Variants in COL4A2 observed in about 807,000 individuals in gnomAD.
COL4A2 encodes the protein collagen alpha-2(IV) chain.
Under a neutral mutation model 200.2 loss-of-function variants are expected in COL4A2, and 99 were observed. That is an observed-to-expected ratio of 0.49 (90% CI 0.42 to 0.58). The LOEUF (loss-of-function observed/expected upper bound fraction) is 0.58, where lower values mean the gene tolerates loss of function less well. Among genes scored for constraint, COL4A2 ranks in the 20% least tolerant of loss-of-function variants. The pLI, the probability that COL4A2 is intolerant of heterozygous loss-of-function variation, is 0.00. For missense variants in COL4A2, 1,950 were observed against 2,314.1 expected (o/e 0.84, Z 3.23); for synonymous variants, 897 against 900.6 (o/e 1.00, Z 0.07).
At chr13:110,478,435 G>T (rs185163838) in intron 30 of COL4A2, among the ~76,000 whole-genome samples, 139 of 152,352 alleles carry the variant, frequency 9.1e-4, no homozygotes, top group African/African-American at 3.1e-3. Context: ...CCCTACAAAA[G>T]TTCAGAATCA....
intron 3 of COL4A2, among the ~76,000 whole-genome samples, chr13:110,349,841 A>G (rs59530640): frequency 0.089 from 13,563 of 151,994 alleles, 1,999 homozygotes; most frequent in African/African-American, 0.31. Context: ...GTGGCTCACT[A>G]AAACCTCCAC....
At position 110,385,988 on chromosome 13, in the gene COL4A2, TGGATGGGCCGTG is replaced by T. The variant is rs1333105333; in HGVS notation, c.180+28438_180+28449del. ...GTGGATGGGCCGTGGTCACAGCGTG[TGGATGGGCCGTG>T]GTCACAGCGTGTGGATGGGCCGTGG... On this transcript the variant is annotated intron_variant, in intron 4 of 47. Transcript: ENST00000360467. 5.7e-4 allele frequency among the ~76,000 whole-genome samples: 84 copies of T among 147,528 alleles called. 9 individuals carry two copies. Among genetic ancestry groups the T allele is most frequent in the African/African-American group, 2.0e-3 (77 of 39,162 alleles).
chr13:110,383,159 C>T (rs1878554298), intron 4 of COL4A2, among the ~76,000 whole-genome samples: 1 of 152,168 alleles, frequency 6.6e-6, no homozygotes, highest in East Asian at 1.9e-4. Context: ...GGGATAGTGC[C>T]ATGTTCTGCG....
In COL4A2 at chr13:110,387,765, C is replaced by A. The variant is rs562583770; in HGVS notation, c.180+30213C>A. Among the ~76,000 whole-genome samples, 10 of 152,298 alleles carry A rather than the reference C, an allele frequency of 6.6e-5. No homozygotes were observed. In the South Asian group the frequency reaches 1.7e-3, roughly 25 times the overall value. On this transcript the variant is annotated intron_variant, in intron 4 of 47. Coordinates refer to ENST00000360467, the MANE Select transcript of COL4A2 (RefSeq NM_001846.4). ...GACATCACGGTTTCCTCTTTTAAGG[C>A]GATTCTGAGGCTTCCTTCTCCCCAG...
In COL4A2 at chr13:110,446,792, C is replaced by G; in HGVS notation, c.1012-6C>G. On this transcript the variant is annotated splice_polypyrimidine_tract_variant and splice_region_variant and intron_variant, in intron 17 of 47. Transcript: ENST00000360467. ...CACATCCTGTTTTTCTCTTTTCTTT[C>G]TCTAGGGAGAAGCCGGAGACCCAGG... The G allele has an allele frequency of 6.2e-7, 1 of 1,610,498 alleles. No individual in the cohort carries two copies. The highest frequency in any genetic ancestry group is 8.5e-7 in the Non-Finnish European group (1 of 1,177,118).
intron 3 of COL4A2, among the ~76,000 whole-genome samples, chr13:110,322,004 A>G (rs1885289313): frequency 1.3e-5 from 2 of 152,222 alleles, no homozygotes; most frequent in Non-Finnish European, 2.9e-5. Context: ...AGATGCATCC[A>G]TGTTGTAGTG....
chr13:110,372,526 T>A (rs1034699600), intron 4 of COL4A2, among the ~76,000 whole-genome samples: 1 of 152,242 alleles, frequency 6.6e-6, no homozygotes, highest in African/African-American at 2.4e-5. Flanking sequence ...CTGGAGACAT[T>A]TTACTCTTTG....
intron 16 of COL4A2, among the ~76,000 whole-genome samples, chr13:110,442,879 AAGTG>A (rs1881183129): frequency 6.6e-6 from 1 of 152,126 alleles, no homozygotes; most frequent in Admixed American, 6.5e-5. Flanking sequence ...TTATTTTAAA[AAGTG>A]TTCGTTGAGA....
chr13:110,372,233 C>G (rs186114161), intron 4 of COL4A2, among the ~76,000 whole-genome samples: 3 of 152,262 alleles, frequency 2.0e-5, no homozygotes, highest in Non-Finnish European at 4.4e-5. Context: ...GGCAGAGGAC[C>G]CTGTGCGGGG....
At position 110,434,722 on chromosome 13, in the gene COL4A2, AG is replaced by A. The variant is rs1324563383; in HGVS notation, c.726+282del. ...AGCTCATCTTCAGAAGGTGGAGGTGAGGACATGTCACTGAGTGCATCTTCTC... is the reference window on the plus strand; with the variant it reads ...AGCTCATCTTCAGAAGGTGGAGGTGAGACATGTCACTGAGTGCATCTTCTC... On this transcript the variant is annotated intron_variant, in intron 12 of 47. Transcript: ENST00000360467. Among the ~76,000 whole-genome samples, 47 of 152,310 alleles carry A rather than the reference AG, an allele frequency of 3.1e-4. 1 individual carries two copies. Among genetic ancestry groups the A allele is most frequent in the Non-Finnish European group, 5.9e-5 (4 of 68,016 alleles).
chr13:110,345,850 A>G (rs1017784818), intron 3 of COL4A2, among the ~76,000 whole-genome samples: 1 of 152,150 alleles, frequency 6.6e-6, no homozygotes, highest in Non-Finnish European at 1.5e-5. Context: ...ATCTTGTTCC[A>G]TCTCATCTGT....
chr13:110,400,528 CT>C (rs11356823), intron 4 of COL4A2, among the ~76,000 whole-genome samples: 30,117 of 152,098 alleles, frequency 0.2, 3,078 homozygotes, highest in Middle Eastern at 0.25. Context: ...TCATTAACTT[CT>C]GATTCCTTGA....
chr13:110,430,965 G>A (rs745822564), intron 10 of COL4A2: 55 of 465,894 alleles, frequency 1.2e-4, no homozygotes, highest in Admixed American at 5.9e-4. Flanking sequence ...AGGAAATGGA[G>A]GTCTGCCTGT....
chr13:110,353,732 ACT>A (rs1366594204), intron 3 of COL4A2, among the ~76,000 whole-genome samples: 1 of 152,056 alleles, frequency 6.6e-6, no homozygotes, highest in Non-Finnish European at 1.5e-5. Context: ...AATTCCTAAG[ACT>A]CTCTCTGGAG....
At chr13:110,401,627 C>G (rs1183295322) in intron 4 of COL4A2, among the ~76,000 whole-genome samples, 2 of 152,194 alleles carry the variant, frequency 1.3e-5, no homozygotes, top group Non-Finnish European at 2.9e-5. Context: ...ATAAGTTAAC[C>G]AGCTTACATC....
At chr13:110,380,128 C>G (rs1440234066) in intron 4 of COL4A2, among the ~76,000 whole-genome samples, 1 of 152,210 alleles carries the variant, frequency 6.6e-6, no homozygotes, top group Non-Finnish European at 1.5e-5. Flanking sequence ...TGAAAAGAAA[C>G]TTCACCAAAG....
At chr13:110,350,685 G>A (rs973640404) in intron 3 of COL4A2, among the ~76,000 whole-genome samples, 1 of 152,208 alleles carries the variant, frequency 6.6e-6, no homozygotes, top group African/African-American at 2.4e-5. Flanking sequence ...ACCACCTAGT[G>A]TAGGGCTTTG....
At chr13:110,484,765 C>T (rs1334938438) in intron 32 of COL4A2, 140 bp from the exon 33 acceptor site, 1 of 1,250,152 alleles carries the variant, frequency 8.0e-7, no homozygotes, top group East Asian at 2.5e-5. Context: ...AGAGGCTTCT[C>T]CGGCGCCCTT....
rs577828146 is a variant in COL4A2, at chr13:110,352,702, C to G, written c.100-4770C>G. Among the ~76,000 whole-genome samples, 180 of 152,252 alleles carry G rather than the reference C, an allele frequency of 1.2e-3. 1 individual carries two copies. Among genetic ancestry groups the G allele is most frequent in the South Asian group, 7.5e-3 (36 of 4,814 alleles). On this transcript the variant is annotated intron_variant, in intron 3 of 47. Coordinates refer to ENST00000360467, the MANE Select transcript of COL4A2 (RefSeq NM_001846.4). The stretch of plus-strand genomic sequence containing the variant: ...TACGGTTCAGATTCCTCGGTGGTCC[C>G]GAGTTCCCTGGGTGGGGAGGTTCTG...
Sources: gnomAD v4.1 joint callset for allele counts (sites outside exome capture counted in the v4.1 genomes callset) on GRCh38, gnomAD v4.1.1 for gene constraint, MANE v1.5 for transcripts, NCBI Gene and HGNC (gene_info 2026-07-23, HGNC 2026-07-21) for gene names.